TJP2: variants seen among roughly 807,000 people sequenced by gnomAD.
TJP2 encodes the protein tight junction protein 2.
In TJP2, 91 loss-of-function variants were observed where a neutral mutation model predicts 133.1. The ratio of observed to expected loss-of-function variants is 0.68; its 90% CI spans 0.58 to 0.81. The LOEUF is 0.81. Ranked by LOEUF, TJP2 falls within the 40% of genes least tolerant of loss-of-function variation. TJP2 has a pLI of 0.00. For missense variants in TJP2, 1,541 were observed against 1,565.6 expected, an observed-to-expected ratio of 0.98 and a Z score of 0.26; for synonymous variants, 592 against 583.4, an observed-to-expected ratio of 1.01 and a Z score of -0.21.
At chr9:69,225,979 A>AT in intron 6 of TJP2, 43 bp from the exon 7 acceptor site, 1 of 1,605,526 alleles carries the variant, frequency 6.2e-7, no homozygotes, top group Non-Finnish European at 8.5e-7. Context: ...TCTACTGTGA[A>AT]TAATTTTATT....
intron 1 of TJP2, among the ~76,000 whole-genome samples, chr9:69,199,622 T>C (rs1049189225): frequency 2.6e-5 from 4 of 152,186 alleles, no homozygotes. Context: ...GATGGTGTCC[T>C]CCCGAAGTTT....
At chr9:69,178,081 C>T (rs890069026) in intron 1 of TJP2, among the ~76,000 whole-genome samples, 3 of 152,030 alleles carry the variant, frequency 2.0e-5, no homozygotes, top group African/African-American at 7.2e-5. Context: ...CATTAAACAA[C>T]CAAAGCTTCA....
chr9:69,244,264 A>C (rs1483849930), intron 17 of TJP2, among the ~76,000 whole-genome samples: 1 of 151,840 alleles, frequency 6.6e-6, no homozygotes, highest in Non-Finnish European at 1.5e-5. Context: ...CATCACAACC[A>C]ATCAATCTTA....
At position 69,190,859 on chromosome 9, in the gene TJP2, A is replaced by G. The variant is rs962458780; in HGVS notation, c.60+16427A>G. 7.5e-4 allele frequency among the ~76,000 whole-genome samples: 115 copies of G among 152,332 alleles called. 1 individual carries two copies. Among genetic ancestry groups the G allele is most frequent in the African/African-American group, 2.6e-3 (107 of 41,574 alleles). ...AACTGTTCTTGCATTTTAAATGGTTATGTAAGTATCTATATGATCTCCGTG... is the reference window on the plus strand; with the variant it reads ...AACTGTTCTTGCATTTTAAATGGTTGTGTAAGTATCTATATGATCTCCGTG... On this transcript the variant is annotated intron_variant, in intron 1 of 22. Transcript: ENST00000377245.
chr9:69,170,047 CTA>C (rs1824593676), upstream of TJP2, among the ~76,000 whole-genome samples: 1 of 152,052 alleles, frequency 6.6e-6, no homozygotes, highest in African/African-American at 2.4e-5. Flanking sequence ...CAGAATCTCA[CTA>C]TGTTGTCCAG....
At chr9:69,132,207 A>T (rs926365579) in intron 1 of TJP2, among the ~76,000 whole-genome samples, 5 of 152,234 alleles carry the variant, frequency 3.3e-5, no homozygotes, top group African/African-American at 1.2e-4. Flanking sequence ...CAAATTTCAG[A>T]CTCACACAAG....
At chr9:69,200,630 C>A (rs879664562) in intron 1 of TJP2, among the ~76,000 whole-genome samples, 1 of 152,182 alleles carries the variant, frequency 6.6e-6, no homozygotes, top group Non-Finnish European at 1.5e-5. Context: ...CTGGGCTCAA[C>A]TGATGCTCCC....
intron 16 of TJP2, among the ~76,000 whole-genome samples, chr9:69,239,214 CA>C (rs1830418067): frequency 1.3e-5 from 2 of 151,234 alleles, no homozygotes; most frequent in East Asian, 3.9e-4. Context: ...AATGTAAATG[CA>C]AACCGTTTCA....
At chr9:69,231,465 T>C (rs1829778862) in intron 11 of TJP2, among the ~76,000 whole-genome samples, 1 of 151,962 alleles carries the variant, frequency 6.6e-6, no homozygotes, top group Admixed American at 6.6e-5. Context: ...TGAGGTTTTT[T>C]TTTTCTTGTT....
chr9:69,217,005 TTCAGA>T (rs1828439668), intron 3 of TJP2, among the ~76,000 whole-genome samples: 1 of 149,898 alleles, frequency 6.7e-6, no homozygotes, highest in Admixed American at 6.6e-5. Context: ...TTTTTTTTTT[TTCAGA>T]CAGAGTCTTG....
chr9:69,204,230 G>T (rs1279208444), intron 1 of TJP2, among the ~76,000 whole-genome samples: 1 of 152,118 alleles, frequency 6.6e-6, no homozygotes, highest in Admixed American at 6.5e-5. Flanking sequence ...TTCCTAGATG[G>T]TGGCCATCTC....
chr9:69,148,061 A>G (rs2133322883), intron 1 of TJP2, among the ~76,000 whole-genome samples: 1 of 151,498 alleles, frequency 6.6e-6, no homozygotes, highest in African/African-American at 2.4e-5. Flanking sequence ...AGTAGCTTGG[A>G]TTACAGGCAT....
Position 69,221,444 on chromosome 9 carries a change from G to C in TJP2, c.900G>C (p.Arg300Ser), listed in dbSNP as rs1193482981. Residue 300 changes from arginine to serine, a missense_variant, in exon 5 of 23, where the codon AGG (arginine) becomes AGC (serine). Coordinates refer to ENST00000377245, the MANE Select transcript of TJP2 (RefSeq NM_004817.4). The part of the protein sequence containing the change: ...PHSRSPSPEP[R>S]GRPGPIGVLL... ...CACGGAGCCCCAGCCCCGAGCCTAG[G>C]GGGCGGCCGGGGCCCATCGGGGTCC... 6.3e-7 allele frequency: 1 copy of C among 1,594,742 alleles called. No homozygotes were observed. Among genetic ancestry groups the C allele is most frequent in the East Asian group, 2.3e-5 (1 of 44,096 alleles).
chr9:69,218,207 A>C, intron 3 of TJP2, 50 bp from the exon 4 acceptor site: 1 of 1,391,600 alleles, frequency 7.2e-7, no homozygotes, highest in Non-Finnish European at 1.0e-6. Flanking sequence ...AATAATTTAC[A>C]ATGAATAGAT....
At chr9:69,195,075 C>G (rs1185659704) in intron 1 of TJP2, among the ~76,000 whole-genome samples, 1 of 152,172 alleles carries the variant, frequency 6.6e-6, no homozygotes, top group African/African-American at 2.4e-5. Flanking sequence ...TGGGGCCAAC[C>G]TTGATGGTGA....
chr9:69,130,015 C>CAA (rs11355311), intron 1 of TJP2, among the ~76,000 whole-genome samples: 6,787 of 94,046 alleles, frequency 0.072, 245 homozygotes, highest in East Asian at 0.24. Context: ...AACTCTGCCT[C>CAA]AAAAAAAAAA....
At chr9:69,208,168 T>C (rs1355170958) in intron 1 of TJP2, among the ~76,000 whole-genome samples, 1 of 152,252 alleles carries the variant, frequency 6.6e-6, no homozygotes, top group East Asian at 1.9e-4. Context: ...TGGTGTATTT[T>C]TAATGTTCAA....
intron 1 of TJP2, chr9:69,151,556 A>G: frequency 8.2e-7 from 1 of 1,215,186 alleles, no homozygotes; most frequent in Middle Eastern, 3.2e-4. Context: ...AAAAACGGGC[A>G]AATTGTATGG....
Position 69,221,043 on chromosome 9 carries a change from C to T in TJP2, c.499C>T (p.Arg167Cys), listed in dbSNP as rs967520708. Residue 167 changes from arginine to cysteine, a missense_variant, in exon 5 of 23, where the codon CGC (arginine) becomes TGC (cysteine). Arg to Cys is a radical substitution (Grantham distance 180). Coordinates refer to ENST00000377245, the MANE Select transcript of TJP2 (RefSeq NM_004817.4). ...GAGCCGGCTGAACAGCCATGGGGGGCGCAGCCGCAGCTGGGAGGACAGCCC... is the reference window on the plus strand; with the variant it reads ...GAGCCGGCTGAACAGCCATGGGGGGTGCAGCCGCAGCTGGGAGGACAGCCC... ...ERSRLNSHGG[R>C]SRSWEDSPER... is the part of the protein sequence containing the mutation. 5 of 1,605,482 alleles carry T rather than the reference C, an allele frequency of 3.1e-6. No individual in the cohort carries two copies. The Admixed American group carries it at 5.1e-5, about 16-fold the overall frequency.
Sources: gnomAD v4.1 joint callset for allele counts (sites outside exome capture counted in the v4.1 genomes callset) on GRCh38, gnomAD v4.1.1 for gene constraint, MANE v1.5 for transcripts, NCBI Gene and HGNC (gene_info 2026-07-23, HGNC 2026-07-21) for gene names.